The following UBE2L3 variants were observed in gnomAD, a reference collection of about 807,000 sequenced individuals.
UBE2L3 encodes the protein ubiquitin conjugating enzyme E2 L3.
UBE2L3 carries 1 observed loss-of-function variant against 17.8 expected under a neutral mutation model. That is an observed-to-expected ratio of 0.06 (90% CI 0.02 to 0.27). The LOEUF is 0.27. Among genes scored for constraint, UBE2L3 ranks in the 10% least tolerant of loss-of-function variants. UBE2L3 has a pLI of 1.00. For missense variants in UBE2L3, 40 were observed against 192.6 expected (o/e 0.21, Z 4.69); for synonymous variants, 44 against 68.5 (o/e 0.64, Z 1.76).
intron 1 of UBE2L3, among the ~76,000 whole-genome samples, chr22:21,558,608 C>T (rs1282337212): frequency 5.7e-5 from 8 of 141,218 alleles, no homozygotes; most frequent in South Asian, 4.5e-4. Flanking sequence ...TCCAGCCTGG[C>T]GACAAAGTGA....
upstream of UBE2L3, chr22:21,567,697 C>A (rs781093922): frequency 1.3e-6 from 2 of 1,561,900 alleles, no homozygotes; most frequent in African/African-American, 2.7e-5. Context: ...CTCCAGCCGC[C>A]CGGCCGGCCG....
At chr22:21,617,691 G>C (rs957151798) in intron 3 of UBE2L3, among the ~76,000 whole-genome samples, 6 of 152,146 alleles carry the variant, frequency 3.9e-5, no homozygotes, top group Admixed American at 2.6e-4. Context: ...TTAATATGCT[G>C]TCCTATATAT....
intron 1 of UBE2L3, among the ~76,000 whole-genome samples, chr22:21,582,561 T>C (rs577699890): frequency 2.0e-4 from 30 of 152,106 alleles, no homozygotes; most frequent in African/African-American, 7.0e-4. Context: ...GTTTCACTAT[T>C]GTTGCCCAGC....
upstream of UBE2L3, among the ~76,000 whole-genome samples, chr22:21,567,310 C>A (rs569219689): frequency 7.9e-5 from 12 of 152,198 alleles, no homozygotes; most frequent in East Asian, 1.9e-3. Context: ...ATTACAGGCG[C>A]CCGCCACCAC....
chr22:21,619,310 G>A (rs1601447005), intron 3 of UBE2L3, among the ~76,000 whole-genome samples: 1 of 152,200 alleles, frequency 6.6e-6, no homozygotes, highest in African/African-American at 2.4e-5. Flanking sequence ...GGCTTGTACA[G>A]GGAGGTGATA....
At chr22:21,595,550 G>A (rs200192658) in intron 2 of UBE2L3, among the ~76,000 whole-genome samples, 1 of 152,206 alleles carries the variant, frequency 6.6e-6, no homozygotes, top group East Asian at 1.9e-4. Flanking sequence ...CGATTGCCCT[G>A]GTCGTAGTGC....
chr22:21,571,135 A>C (rs1367082146), intron 1 of UBE2L3, among the ~76,000 whole-genome samples: 1 of 152,244 alleles, frequency 6.6e-6, no homozygotes, highest in Non-Finnish European at 1.5e-5. Context: ...CATTAAGTAC[A>C]TTTTAATTTG....
Position 21,567,744 on chromosome 22 carries a change from G to T in UBE2L3, c.-1G>T, listed in dbSNP as rs773569470. The T allele has an allele frequency of 1.9e-6, 3 of 1,582,786 alleles. No homozygotes were observed. The highest frequency in any genetic ancestry group is 2.3e-5 in the East Asian group (1 of 43,900). ...GGGGAAGGAGCAGCACCAAATCCAA[G>T]ATGGCGGCCAGCAGGAGGCTGATGA... On this transcript the variant is annotated 5_prime_UTR_variant, in exon 1 of 4. Transcript: ENST00000342192.
At chr22:21,596,857 T>C (rs896064053) in intron 2 of UBE2L3, among the ~76,000 whole-genome samples, 2 of 151,688 alleles carry the variant, frequency 1.3e-5, no homozygotes, top group African/African-American at 4.8e-5. Flanking sequence ...GTTATTTTAC[T>C]TTTTTTTTGT....
chr22:21,552,177 G>C (rs540602541), intron 1 of UBE2L3, among the ~76,000 whole-genome samples: 1 of 151,496 alleles, frequency 6.6e-6, no homozygotes, highest in Non-Finnish European at 1.5e-5. Flanking sequence ...CTGATACCTG[G>C]CAGTCTGCAT....
chr22:21,567,889 C>T, intron 1 of UBE2L3, 118 bp downstream of exon 1: 1 of 1,532,780 alleles, frequency 6.5e-7, no homozygotes. Context: ...TACACGGCCT[C>T]GTCGGTTCCC....
intron 2 of UBE2L3, among the ~76,000 whole-genome samples, 191 bp downstream of exon 2, chr22:21,593,147 A>G (rs531757910): frequency 7.9e-5 from 12 of 151,874 alleles, no homozygotes; most frequent in African/African-American, 2.9e-4. Flanking sequence ...ACATCTTGGC[A>G]CTCGTTTTGT....
At chr22:21,613,834 G>A (rs1030650390) in intron 3 of UBE2L3, among the ~76,000 whole-genome samples, 1 of 152,116 alleles carries the variant, frequency 6.6e-6, no homozygotes, top group Non-Finnish European at 1.5e-5. Flanking sequence ...AAGGCACTTC[G>A]GTTCTCTTTG....
chr22:21,556,618 T>G (rs964136041), intron 1 of UBE2L3, among the ~76,000 whole-genome samples: 82 of 142,622 alleles, frequency 5.7e-4, no homozygotes, highest in African/African-American at 2.5e-3. Context: ...TTTTTTCTTT[T>G]TTTTTTTTGT....
chr22:21,604,040 G>A (rs958360587), intron 2 of UBE2L3, among the ~76,000 whole-genome samples: 1 of 150,886 alleles, frequency 6.6e-6, no homozygotes, highest in Non-Finnish European at 1.5e-5. Flanking sequence ...GCCTTCCAAA[G>A]TGCTGGAGTT....
chr22:21,579,055 A>G (rs2148408599), intron 1 of UBE2L3, among the ~76,000 whole-genome samples: 1 of 151,010 alleles, frequency 6.6e-6, no homozygotes, highest in South Asian at 2.1e-4. Flanking sequence ...CAATGGTGTG[A>G]TCTCGGCTCA....
chr22:21,561,731 G>A (rs1283733470), intron 1 of UBE2L3, among the ~76,000 whole-genome samples: 1 of 152,258 alleles, frequency 6.6e-6, no homozygotes, highest in African/African-American at 2.4e-5. Context: ...GGGCACAGTG[G>A]GGGGTGTGAT....
upstream of UBE2L3, among the ~76,000 whole-genome samples, chr22:21,563,078 C>T (rs187666837): frequency 8.1e-4 from 123 of 150,946 alleles, 3 homozygotes; most frequent in African/African-American, 2.9e-3. Context: ...CCCGTCTCTA[C>T]TAAAAATGCA....
chr22:21,615,447 C>T (rs561938148), intron 3 of UBE2L3, among the ~76,000 whole-genome samples: 168 of 147,622 alleles, frequency 1.1e-3, no homozygotes, highest in African/African-American at 4.1e-3. Flanking sequence ...CCCAGCTACT[C>T]GGGAGGCTGA....
Sources: gnomAD v4.1 joint callset for allele counts (sites outside exome capture counted in the v4.1 genomes callset) on GRCh38, gnomAD v4.1.1 for gene constraint, MANE v1.5 for transcripts, NCBI Gene and HGNC (gene_info 2026-07-23, HGNC 2026-07-21) for gene names.